RGS10: variants seen among roughly 807,000 people sequenced by gnomAD.
The protein encoded by RGS10 is regulator of G protein signaling 10, also known as regulator of G-protein signalling 10.
Under a neutral mutation model 23.5 loss-of-function variants are expected in RGS10, and 11 were observed. The observed-to-expected ratio is 0.47, with a 90% confidence interval of 0.29 to 0.77. RGS10 has a LOEUF of 0.77. Ranked by LOEUF, RGS10 falls within the 30% of genes least tolerant of loss-of-function variation. RGS10 has a pLI of 0.08. For missense variants in RGS10, 180 were observed against 226.3 expected (o/e 0.80, Z 1.31); for synonymous variants, 77 against 83.2 (o/e 0.92, Z 0.41).
At chr10:119,503,116 G>T (rs1843970241) in intron 4 of RGS10, among the ~76,000 whole-genome samples, 1 of 152,102 alleles carries the variant, frequency 6.6e-6, no homozygotes, top group Non-Finnish European at 1.5e-5. Context: ...GGTGGCTCAT[G>T]CCTGAAACTC....
chr10:119,526,061 C>G lies in RGS10; in HGVS notation c.226G>C (p.Asp76His). The G allele has an allele frequency of 6.3e-7, 1 of 1,577,392 alleles. No homozygotes were observed. Among genetic ancestry groups the G allele is most frequent in the South Asian group, 1.2e-5 (1 of 83,160 alleles). The change falls in exon 3 of 5, where the codon GAT (aspartate) becomes CAT (histidine). Residue 76 changes from aspartate to histidine, a missense_variant. Asp to His is a moderately conservative substitution (Grantham distance 81). Transcript: ENST00000369103. ...GTCTTATCTTGCATTTTCTTAAAAT[C>G]TTCACATGCTAGCCAAAACAAAACA... ...ENVLFWLACE[D>H]FKKMQDKTQM...
In RGS10 at chr10:119,524,710, C is replaced by T. The variant is rs528032767; in HGVS notation, c.255+1322G>A. ...CTGCCCAGGAGGCTCCGGCCAACGT[C>T]ATCCAGAGGAGAGAAAAAGCCAGAA... On this transcript the variant is annotated intron_variant, in intron 3 of 4. Coordinates refer to ENST00000369103, the MANE Select transcript of RGS10 (RefSeq NM_001005339.2). The surrounding 1 kb of genome is among the most constrained non-coding windows in gnomAD (Gnocchi z 5.2). Among the ~76,000 whole-genome samples, 3 of 152,146 alleles carry T rather than the reference C, an allele frequency of 2.0e-5. No individual in the cohort carries two copies. In the South Asian group the frequency reaches 6.2e-4, roughly 32 times the overall value.
At chr10:119,502,240 G>A (rs552175077) in intron 4 of RGS10, among the ~76,000 whole-genome samples, 14 of 152,230 alleles carry the variant, frequency 9.2e-5, no homozygotes, top group African/African-American at 2.6e-4. Context: ...TCCCACCGAC[G>A]TGCTAAGCAA....
rs1167275552 is a variant in RGS10 at position 119,502,718 on chromosome 10, G to T, written c.400-2459C>A. The stretch of plus-strand genomic sequence containing the variant: ...CTGCCAGCAAGCCTGAGGGGAGGGG[G>T]CTGCGAACTATTTATTAAGAGCATA... On this transcript the variant is annotated intron_variant, in intron 4 of 4. Coordinates refer to ENST00000369103, the MANE Select transcript of RGS10 (RefSeq NM_001005339.2). 2.0e-5 allele frequency among the ~76,000 whole-genome samples: 3 copies of T among 152,250 alleles called. No homozygotes were observed. In the South Asian group the frequency reaches 6.2e-4, roughly 32 times the overall value.
Position 119,538,005 on chromosome 10 carries a change from T to G in RGS10, c.49+4585A>C, listed in dbSNP as rs909734683. Among the ~76,000 whole-genome samples the G allele has an allele frequency of 1.3e-5, 2 of 152,188 alleles. No homozygotes were observed. The highest frequency in any genetic ancestry group is 4.8e-5 in the African/African-American group (2 of 41,446). On this transcript the variant is annotated intron_variant, in intron 1 of 4. Coordinates refer to ENST00000369103, the MANE Select transcript of RGS10 (RefSeq NM_001005339.2). This position sits in a 1 kb window ranked among gnomAD's most constrained non-coding sequence, Gnocchi z 4.5. ...CTGTGGATCAGGACAGCTCTTTACC[T>G]GAGATTATATCTTTCCTACTATTGG...
intron 3 of RGS10, among the ~76,000 whole-genome samples, chr10:119,522,175 G>T (rs1285877180): frequency 9.2e-5 from 14 of 152,226 alleles, no homozygotes; most frequent in Non-Finnish European, 1.0e-4. Flanking sequence ...GATTCCAGAA[G>T]ACAAACCACA....
At chr10:119,513,851 A>AT (rs1844106648) in intron 4 of RGS10, among the ~76,000 whole-genome samples, 1 of 152,240 alleles carries the variant, frequency 6.6e-6, no homozygotes, top group African/African-American at 2.4e-5. Context: ...CATGATGGTC[A>AT]TGGGGGGAGC....
chr10:119,516,485 C>T (rs759334026), intron 3 of RGS10: 2 of 152,226 alleles, frequency 1.3e-5, no homozygotes, highest in Non-Finnish European at 2.9e-5. Context: ...TGTTTGGCTC[C>T]AAGGCCTCTG....
At chr10:119,534,762 C>T (rs539136030) in intron 1 of RGS10, among the ~76,000 whole-genome samples, 4 of 145,816 alleles carry the variant, frequency 2.7e-5, no homozygotes, top group East Asian at 2.1e-4. Flanking sequence ...TGGTGGTGCA[C>T]GCCTGTAGTT....
rs529997484 is a variant in RGS10 at position 119,517,190 on chromosome 10, A to G, written c.256-1538T>C. On this transcript the variant is annotated intron_variant, in intron 3 of 4. Coordinates refer to ENST00000369103, the MANE Select transcript of RGS10 (RefSeq NM_001005339.2). This position sits in a 1 kb window ranked among gnomAD's most constrained non-coding sequence, Gnocchi z 5.0. ...GGGTAGCCCTTTTTTAGTTCAGGGC[A>G]CTGGGGACAAAAGATCCTGAGAAGC... Among the ~76,000 whole-genome samples, 2 of 152,366 alleles carry G rather than the reference A, an allele frequency of 1.3e-5. No individual in the cohort carries two copies. The highest frequency in any genetic ancestry group is 4.8e-5 in the African/African-American group (2 of 41,600).
At chr10:119,523,800 G>A (rs1844244340) in intron 3 of RGS10, among the ~76,000 whole-genome samples, 1 of 152,180 alleles carries the variant, frequency 6.6e-6, no homozygotes, top group Non-Finnish European at 1.5e-5. Flanking sequence ...CTGAAAGGCT[G>A]GAAGAGGCAC....
intron 3 of RGS10, among the ~76,000 whole-genome samples, chr10:119,521,216 A>C (rs1844209212): frequency 6.6e-6 from 1 of 152,068 alleles, no homozygotes; most frequent in Admixed American, 6.6e-5. Context: ...GGCTGCAAAG[A>C]GCCGTGACCT....
rs529107611 is a variant in RGS10 at position 119,538,419 on chromosome 10, G to A, written c.49+4171C>T. 6.6e-6 allele frequency among the ~76,000 whole-genome samples: 1 copy of A among 152,242 alleles called. No individual in the cohort carries two copies. The highest frequency in any genetic ancestry group is 1.5e-5 in the Non-Finnish European group (1 of 68,048). On this transcript the variant is annotated intron_variant, in intron 1 of 4. Transcript: ENST00000369103. The surrounding 1 kb of genome is among the most constrained non-coding windows in gnomAD (Gnocchi z 4.5). ...GACAAGCTGCTCTGTCAAGCATGGA[G>A]GGTGGGAGGCAGCGAGGCCTAGAAG... is the stretch of plus-strand genomic sequence containing the variant.
intron 1 of RGS10, among the ~76,000 whole-genome samples, chr10:119,541,497 C>G (rs1201047972): frequency 6.6e-6 from 1 of 152,182 alleles, no homozygotes; most frequent in Admixed American, 6.5e-5. Flanking sequence ...GAACCTCATT[C>G]TGCAGAAAGG....
At chr10:119,515,286 G>A in intron 4 of RGS10, 1 of 564,052 alleles carries the variant, frequency 1.8e-6, no homozygotes, top group Non-Finnish European at 3.2e-6. Flanking sequence ...ACTGTGTGTA[G>A]ACCAAGATTA....
At chr10:119,526,963 C>T (rs546731304) in intron 2 of RGS10, among the ~76,000 whole-genome samples, 4 of 152,188 alleles carry the variant, frequency 2.6e-5, no homozygotes, top group African/African-American at 7.2e-5. Flanking sequence ...CCCCCAAGCA[C>T]GAGAGAACAA....
chr10:119,522,749 T>C (rs1844232587), intron 3 of RGS10, among the ~76,000 whole-genome samples: 1 of 151,366 alleles, frequency 6.6e-6, no homozygotes, highest in Non-Finnish European at 1.5e-5. Context: ...AGACATTCAG[T>C]TAGGCGACTT....
intron 1 of RGS10, among the ~76,000 whole-genome samples, chr10:119,540,720 C>G (rs1844427525): frequency 6.6e-6 from 1 of 152,240 alleles, no homozygotes. Context: ...ATGGTTCTAT[C>G]TGTCAGTCTT....
intron 4 of RGS10, among the ~76,000 whole-genome samples, chr10:119,503,266 G>A (rs1010319732): frequency 6.6e-6 from 1 of 151,852 alleles, no homozygotes; most frequent in Non-Finnish European, 1.5e-5. Context: ...CTAAGCCCGC[G>A]GAGGTTGAGG....
Sources: allele counts gnomAD v4.1 joint callset (sites outside exome capture counted in the v4.1 genomes callset), GRCh38; gene constraint gnomAD v4.1.1; non-coding constraint Gnocchi (gnomAD v3.1); transcripts MANE v1.5; gene names NCBI Gene and HGNC (gene_info 2026-07-23, HGNC 2026-07-21).